Variants in KIF13A observed in about 807,000 individuals in gnomAD.
The protein encoded by KIF13A is kinesin family member 13A, also known as kinesin-like protein KIF13A.
In KIF13A, 79 loss-of-function variants were observed where a neutral mutation model predicts 212.2. The observed-to-expected ratio is 0.37, with a 90% CI of 0.31 to 0.45. The LOEUF is 0.45. Among genes scored for constraint, KIF13A ranks in the 20% least tolerant of loss-of-function variants. The pLI is 1.00. For synonymous variants in KIF13A, 789 were observed against 808.6 expected (o/e 0.98, Z 0.41); for missense variants, 1,901 against 2,209.0 (o/e 0.86, Z 2.79).
At position 17,850,349 on chromosome 6, in the gene KIF13A, G is replaced by C; in HGVS notation, c.691C>G (p.Gln231Glu). 6.2e-7 allele frequency: 1 copy of C among 1,613,764 alleles called. No individual in the cohort carries two copies. Among genetic ancestry groups the C allele is most frequent in the Non-Finnish European group, 8.5e-7 (1 of 1,179,780 alleles). ...SHAVFNIIITQTLYDLQSGNS... is the reference protein window; with the variant it reads ...SHAVFNIIITETLYDLQSGNS... ...CCAGACTGCAGGTCATAAAGTGTCT[G>C]TGTGATTATGATGTTGAACACAGCA... Residue 231 changes from glutamine (Q) to glutamate (E), a missense_variant, in exon 8 of 39, where the codon CAG becomes GAG. Gln to Glu is a conservative substitution (Grantham distance 29). This residue lies in a region of KIF13A where 506 missense variants were observed against 637.4 expected (regional missense o/e 0.79). Transcript: ENST00000259711. This position sits in a 1 kb window ranked among gnomAD's most constrained non-coding sequence, Gnocchi z 6.2.
At chr6:17,858,006 A>C (rs28522100) in intron 4 of KIF13A, among the ~76,000 whole-genome samples, 2,693 of 152,186 alleles carry the variant, frequency 0.018, 91 homozygotes, top group African/African-American at 0.061. Context: ...TAATGCTCAA[A>C]TTAAAAAACA....
At chr6:17,952,750 G>GA (rs1472623214) in intron 2 of KIF13A, among the ~76,000 whole-genome samples, 1 of 151,766 alleles carries the variant, frequency 6.6e-6, no homozygotes, top group Non-Finnish European at 1.5e-5. Context: ...CTAACACGGT[G>GA]AAACACTGTC....
intron 3 of KIF13A, among the ~76,000 whole-genome samples, chr6:17,878,401 T>C (rs984193804): frequency 2.0e-5 from 3 of 152,124 alleles, no homozygotes; most frequent in Non-Finnish European, 4.4e-5. Flanking sequence ...ATTTATTTTC[T>C]ACATGTTAAT....
Position 17,852,008 on chromosome 6 carries a change from C to CT in KIF13A, c.528dup (p.Val177SerfsTer16). 1 of 1,553,562 alleles carries CT rather than the reference C, an allele frequency of 6.4e-7. No homozygotes were observed. The highest frequency in any genetic ancestry group is 8.7e-7 in the Non-Finnish European group (1 of 1,153,180). On this transcript the variant is annotated frameshift_variant, in exon 7 of 39. Coordinates refer to ENST00000259711, the MANE Select transcript of KIF13A (RefSeq NM_022113.6). LOFTEE classifies it high-confidence loss of function. ...AAACCATCTACATATGGTCCCAAAA[C>CT]TTTATGTTCTCGAACTTTAAGAGAC...
chr6:17,979,393 G>C (rs1007062237), intron 2 of KIF13A, among the ~76,000 whole-genome samples: 8 of 152,126 alleles, frequency 5.3e-5, no homozygotes, highest in African/African-American at 1.9e-4. Flanking sequence ...AGCATTCATC[G>C]ATGTTCTTAA....
chr6:17,987,472 C>G lies in KIF13A; in HGVS notation c.-9G>C. 1 of 1,270,792 alleles carries G rather than the reference C, an allele frequency of 7.9e-7. No individual in the cohort carries two copies. The highest frequency in any genetic ancestry group is 1.0e-6 in the Non-Finnish European group (1 of 969,448). 78.7% of individuals were successfully genotyped at this position (1,270,792 alleles called of 1,614,324 possible). The stretch of plus-strand genomic sequence containing the variant: ...ACCTTGGTATCCGACATGTTGGCTG[C>G]GCTCGCCCGGCCGCTCGCCGCGCCC... On this transcript the variant is annotated 5_prime_UTR_variant, in exon 1 of 39. Coordinates refer to ENST00000259711, the MANE Select transcript of KIF13A (RefSeq NM_022113.6). The surrounding 1 kb of genome is among the most constrained non-coding windows in gnomAD (Gnocchi z 7.7).
At chr6:17,986,876 AG>A (rs1781609013) in intron 2 of KIF13A, among the ~76,000 whole-genome samples, 177 bp downstream of exon 2, 1 of 152,104 alleles carries the variant, frequency 6.6e-6, no homozygotes. Context: ...TAGATGGAGG[AG>A]AAGGGGGGCG....
intron 2 of KIF13A, among the ~76,000 whole-genome samples, chr6:17,943,505 C>G: frequency 6.6e-6 from 1 of 151,524 alleles, no homozygotes; most frequent in East Asian, 1.9e-4. Flanking sequence ...GCCTCGGCCT[C>G]CCAAAGTGCT....
rs1051761754 is a variant in KIF13A at position 17,771,598 on chromosome 6, A to C, written c.4476+310T>G. On this transcript the variant is annotated intron_variant, in intron 37 of 38. Transcript: ENST00000259711. The surrounding 1 kb of genome is among the most constrained non-coding windows in gnomAD (Gnocchi z 5.4). ...AATCAGAAATCCCCAAAAAGACAAA[A>C]AAGAAAAATAATTTTAAAAAAGGCC... 1 of 334,772 alleles carries C rather than the reference A, an allele frequency of 3.0e-6. No individual in the cohort carries two copies. The highest frequency in any genetic ancestry group is 2.1e-5 in the African/African-American group (1 of 47,382). 20.7% of individuals were successfully genotyped at this position (334,772 alleles called of 1,614,324 possible).
intron 16 of KIF13A, among the ~76,000 whole-genome samples, chr6:17,821,552 G>GT (rs1554172080): frequency 2.7e-5 from 3 of 112,010 alleles, no homozygotes; most frequent in African/African-American, 9.1e-5. Flanking sequence ...ATTGGGACAT[G>GT]GTGTGTGTGT....
At position 17,883,451 on chromosome 6, in the gene KIF13A, A is replaced by C. The variant is rs1346175120; in HGVS notation, c.160-10014T>G. ...TGTTTTCACATGTGACATCTGCTTA[A>C]AATAGCACAGATCAGTCAGTGTAAA... On this transcript the variant is annotated intron_variant, in intron 3 of 38. Coordinates refer to ENST00000259711, the MANE Select transcript of KIF13A (RefSeq NM_022113.6). This position sits in a 1 kb window ranked among gnomAD's most constrained non-coding sequence, Gnocchi z 4.8. 6.6e-6 allele frequency among the ~76,000 whole-genome samples: 1 copy of C among 152,234 alleles called. No individual in the cohort carries two copies. Among genetic ancestry groups the C allele is most frequent in the African/African-American group, 2.4e-5 (1 of 41,456 alleles).
rs948360239 is a variant in KIF13A, at chr6:17,899,945, G to T, written c.147-1765C>A. 3.3e-4 allele frequency among the ~76,000 whole-genome samples: 50 copies of T among 152,262 alleles called. No homozygotes were observed. Among genetic ancestry groups the T allele is most frequent in the African/African-American group, 1.1e-3 (45 of 41,550 alleles). ...TGGAAGACAATTCAGGAAGGCCTCAGTTCTAAGAAGGTAGAACAATAATAA... is the reference window on the plus strand; with the variant it reads ...TGGAAGACAATTCAGGAAGGCCTCATTTCTAAGAAGGTAGAACAATAATAA... On this transcript the variant is annotated intron_variant, in intron 2 of 38. Transcript: ENST00000259711. This position sits in a 1 kb window ranked among gnomAD's most constrained non-coding sequence, Gnocchi z 5.2.
At chr6:17,791,858 C>T (rs6929629) in intron 25 of KIF13A, among the ~76,000 whole-genome samples, 6,141 of 148,306 alleles carry the variant, frequency 0.041, 442 homozygotes, top group African/African-American at 0.15. Flanking sequence ...CGAGATTGTG[C>T]CACCACACTC....
At chr6:17,979,702 G>C (rs1356739929) in intron 2 of KIF13A, among the ~76,000 whole-genome samples, 1 of 150,450 alleles carries the variant, frequency 6.6e-6, no homozygotes, top group Non-Finnish European at 1.5e-5. Context: ...AGACTATATG[G>C]AGAAAATTAT....
At position 17,898,861 on chromosome 6, in the gene KIF13A, G is replaced by A. The variant is rs986879286; in HGVS notation, c.147-681C>T. ...TCTTTCTTTTTTTCTCCAGAGATGG[G>A]GTCTCACTTGGTTGTTCAGGATGGA... On this transcript the variant is annotated intron_variant, in intron 2 of 38. Transcript: ENST00000259711. The surrounding 1 kb of genome is among the most constrained non-coding windows in gnomAD (Gnocchi z 5.2). Among the ~76,000 whole-genome samples the A allele has an allele frequency of 2.0e-5, 3 of 151,990 alleles. No individual in the cohort carries two copies. Among genetic ancestry groups the A allele is most frequent in the African/African-American group, 7.2e-5 (3 of 41,388 alleles).
chr6:17,922,017 T>C (rs1296231879), intron 2 of KIF13A, among the ~76,000 whole-genome samples: 3 of 152,160 alleles, frequency 2.0e-5, no homozygotes, highest in Non-Finnish European at 4.4e-5. Flanking sequence ...AACTTTTAAT[T>C]AACAACACTG....
At chr6:17,796,082 T>G (rs1003587194) in intron 23 of KIF13A, among the ~76,000 whole-genome samples, 1 of 152,146 alleles carries the variant, frequency 6.6e-6, no homozygotes, top group African/African-American at 2.4e-5. Context: ...TGGTAATTTC[T>G]TTCATCATTC....
Position 17,984,416 on chromosome 6 carries a change from T to C in KIF13A, c.146+2638A>G. ...CTTAATGTTTCAGAATGGTGATCAGTATACATATCAACTACTAACCTGGAC... is the reference window on the plus strand; with the variant it reads ...CTTAATGTTTCAGAATGGTGATCAGCATACATATCAACTACTAACCTGGAC... On this transcript the variant is annotated intron_variant, in intron 2 of 38. Transcript: ENST00000259711. The surrounding 1 kb of genome is among the most constrained non-coding windows in gnomAD (Gnocchi z 5.0). 1 of 476,856 alleles carries C rather than the reference T, an allele frequency of 2.1e-6. No homozygotes were observed. The highest frequency in any genetic ancestry group is 2.7e-6 in the Non-Finnish European group (1 of 365,204). The allele number at this position is 476,856 out of a possible 1,614,324, so 29.5% of individuals were successfully genotyped here.
chr6:17,799,272 G>T lies in KIF13A; in HGVS notation c.2784C>A (p.His928Gln). ...KDAQYTVTFSHCKDYVVNVTE... is the reference protein window; with the variant it reads ...KDAQYTVTFSQCKDYVVNVTE... ...TTGGTAATGGCATTTGTACCTTACA[G>T]TGGGAGAAGGTCACTGTGTACTGGG... The change falls in exon 22 of 39, where the codon CAC (histidine) becomes CAA (glutamine). Residue 928 changes from histidine to glutamine, a missense_variant. Physicochemically the swap from His to Gln is conservative, Grantham distance 24. Coordinates refer to ENST00000259711, the MANE Select transcript of KIF13A (RefSeq NM_022113.6). The surrounding 1 kb of genome is among the most constrained non-coding windows in gnomAD (Gnocchi z 4.4). 2 of 1,593,622 alleles carry T rather than the reference G, an allele frequency of 1.3e-6. No homozygotes were observed. Among genetic ancestry groups the T allele is most frequent in the Non-Finnish European group, 1.7e-6 (2 of 1,170,534 alleles).
Sources: gnomAD v4.1 joint callset for allele counts (sites outside exome capture counted in the v4.1 genomes callset) on GRCh38, gnomAD v4.1.1 for gene constraint, gnomAD v4.1.1 regional missense constraint, Gnocchi (gnomAD v3.1) non-coding constraint, MANE v1.5 for transcripts, NCBI Gene and HGNC (gene_info 2026-07-23, HGNC 2026-07-21) for gene names.